The following PXDN variants were observed in gnomAD, a reference collection of about 807,000 sequenced individuals.
The protein encoded by PXDN is peroxidasin, also known as peroxidasin homolog.
In PXDN, 77 loss-of-function variants were observed where a neutral mutation model predicts 140.3. The ratio of observed to expected loss-of-function variants is 0.55; its 90% confidence interval spans 0.46 to 0.66. The LOEUF (loss-of-function observed/expected upper bound fraction) is 0.66, where lower values mean the gene tolerates loss of function less well. Ranked by LOEUF, PXDN falls within the 30% of genes least tolerant of loss-of-function variation. The pLI is 0.00. For missense variants in PXDN, 1,838 were observed against 2,039.5 expected (o/e 0.90, Z 1.90); for synonymous variants, 911 against 857.4 (o/e 1.06, Z -1.09).
chr2:1,637,681 G>A (rs796219343), intron 21 of PXDN, among the ~76,000 whole-genome samples: 11 of 68,846 alleles, frequency 1.6e-4, no homozygotes, highest in Non-Finnish European at 2.3e-4. Context: ...GGAGGCAGGA[G>A]GACCTGCCAC....
At chr2:1,708,569 C>T (rs1355554234) in intron 1 of PXDN, among the ~76,000 whole-genome samples, 4 of 152,168 alleles carry the variant, frequency 2.6e-5, no homozygotes, top group Admixed American at 2.6e-4. Context: ...CCCTGACCCA[C>T]GATGGCAGAG....
chr2:1,665,134 G>T, intron 10 of PXDN, 60 bp from the exon 11 acceptor site: 2 of 1,290,868 alleles, frequency 1.5e-6, no homozygotes, highest in South Asian at 1.3e-5. Flanking sequence ...GTAAAAACGC[G>T]ACCAAGAAAA....
intron 1 of PXDN, among the ~76,000 whole-genome samples, chr2:1,734,398 G>GGCTGCTGACGGA (rs1685383882): frequency 6.6e-6 from 1 of 152,144 alleles, no homozygotes; most frequent in South Asian, 2.1e-4. Context: ...TTATGTTGCT[G>GGCTGCTGACGGA]GCTGCTGACG....
chr2:1,659,207 G>A (rs941237612), intron 14 of PXDN, among the ~76,000 whole-genome samples: 3 of 152,186 alleles, frequency 2.0e-5, no homozygotes, highest in African/African-American at 2.4e-5. Flanking sequence ...TTATTTCACC[G>A]CTAACAGACA....
At chr2:1,634,872 T>C (rs1343213915) in intron 22 of PXDN, among the ~76,000 whole-genome samples, 1 of 152,180 alleles carries the variant, frequency 6.6e-6, no homozygotes, top group Non-Finnish European at 1.5e-5. Context: ...TGCCCCAAGC[T>C]TTCCACGGAG....
chr2:1,637,765 A>G (rs1434533602), intron 21 of PXDN, among the ~76,000 whole-genome samples: 12 of 144,888 alleles, frequency 8.3e-5, no homozygotes, highest in East Asian at 6.2e-4. Context: ...AGGACCTGCC[A>G]CACGCTGTCC....
Position 1,639,913 on chromosome 2 carries a change from C to T in PXDN, c.3953-491G>A, listed in dbSNP as rs1682675418. On this transcript the variant is annotated intron_variant, in intron 19 of 22. Transcript: ENST00000252804. This position sits in a 1 kb window ranked among gnomAD's most constrained non-coding sequence, Gnocchi z 5.0. Reference sequence around the variant, plus strand: ...CTGACCCTGCTTCTCCTGAATGTAGCCCAAACACCTCCCTGCCTAGGAGTG... The same window carrying T: ...CTGACCCTGCTTCTCCTGAATGTAGTCCAAACACCTCCCTGCCTAGGAGTG... Among the ~76,000 whole-genome samples, 1 of 152,242 alleles carries T rather than the reference C, an allele frequency of 6.6e-6. No homozygotes were observed. Among genetic ancestry groups the T allele is most frequent in the African/African-American group, 2.4e-5 (1 of 41,472 alleles).
At chr2:1,743,081 C>T (rs1038335424) in intron 1 of PXDN, among the ~76,000 whole-genome samples, 108 of 152,328 alleles carry the variant, frequency 7.1e-4, no homozygotes, top group African/African-American at 2.5e-3. Flanking sequence ...AAACGCAGCC[C>T]GCGTTCACAG....
intron 1 of PXDN, among the ~76,000 whole-genome samples, chr2:1,720,839 C>T (rs950252547): frequency 2.0e-5 from 3 of 152,166 alleles, no homozygotes; most frequent in East Asian, 1.9e-4. Flanking sequence ...CTGGTCCTCC[C>T]GGACCGCAGC....
chr2:1,677,801 C>T (rs1483780506), intron 7 of PXDN, among the ~76,000 whole-genome samples: 1 of 152,260 alleles, frequency 6.6e-6, no homozygotes, highest in Admixed American at 6.5e-5. Flanking sequence ...TCTGCCTCGT[C>T]ACCTCAGTGT....
intron 1 of PXDN, among the ~76,000 whole-genome samples, chr2:1,693,899 C>A (rs944328924): frequency 6.6e-6 from 1 of 152,198 alleles, no homozygotes; most frequent in African/African-American, 2.4e-5. Flanking sequence ...GCCCCAACCA[C>A]GGAGGCCACG....
chr2:1,729,475 G>A (rs1246390550), intron 1 of PXDN, among the ~76,000 whole-genome samples: 1 of 151,684 alleles, frequency 6.6e-6, no homozygotes, highest in African/African-American at 2.4e-5. Context: ...ACAGGGGCCA[G>A]GAAGAAAACA....
intron 16 of PXDN, chr2:1,653,342 A>G: frequency 2.3e-6 from 1 of 432,820 alleles, no homozygotes; most frequent in South Asian, 2.0e-5. Flanking sequence ...TGCATAACCC[A>G]CCCTGGCCAG....
In PXDN at chr2:1,744,314, G is replaced by A. The variant is rs1181990614; in HGVS notation, c.142C>T (p.Arg48Cys). 1 of 1,528,378 alleles carries A rather than the reference G, an allele frequency of 6.5e-7. No individual in the cohort carries two copies. Among genetic ancestry groups the A allele is most frequent in the East Asian group, 2.5e-5 (1 of 40,164 alleles). 94.7% of individuals were successfully genotyped at this position (1,528,378 alleles called of 1,614,324 possible). ...SRCLCFRTTV[R>C]CMHLLLEAVP... is the part of the protein sequence containing the mutation. ...GCCTCCAGCAGCAGATGCATGCAGC[G>A]CACGGTGGTGCGGAAGCACAGGCAG... The change falls in exon 1 of 23, where the codon CGC becomes TGC. Residue 48 changes from arginine (R) to cysteine (C), a missense_variant. Around this residue, in one of 5 missense-constraint regions of PXDN, gnomAD observed 231 missense variants for 201.5 expected, o/e 1.15. Coordinates refer to ENST00000252804, the MANE Select transcript of PXDN (RefSeq NM_012293.3).
chr2:1,634,429 C>A, intron 22 of PXDN, 106 bp from the exon 23 acceptor site: 1 of 1,409,576 alleles, frequency 7.1e-7, no homozygotes, highest in South Asian at 1.5e-5. Flanking sequence ...TGAGTCAGGC[C>A]TTGCCCTGAG....
chr2:1,669,628 T>G (rs552894601), intron 9 of PXDN: 2 of 152,246 alleles, frequency 1.3e-5, no homozygotes, highest in South Asian at 4.1e-4. Flanking sequence ...TCGCCTGATG[T>G]CAGGAATTCG....
rs954567173 is a variant in PXDN at position 1,714,649 on chromosome 2, C to T, written c.201-21515G>A. Among the ~76,000 whole-genome samples, 4 of 152,160 alleles carry T rather than the reference C, an allele frequency of 2.6e-5. No individual in the cohort carries two copies. Among genetic ancestry groups the T allele is most frequent in the Non-Finnish European group, 5.9e-5 (4 of 68,044 alleles). ...AGCAGGAATGCGGCCACAGAAGAGG[C>T]GACCCGGTGGCTGTGGCCAAGCTCC... On this transcript the variant is annotated intron_variant, in intron 1 of 22. Coordinates refer to ENST00000252804, the MANE Select transcript of PXDN (RefSeq NM_012293.3). This position sits in a 1 kb window ranked among gnomAD's most constrained non-coding sequence, Gnocchi z 4.3.
In PXDN at chr2:1,649,146, G is replaced by A. The variant is rs750398617; in HGVS notation, c.2634C>T (p.Phe878=). The change falls in exon 17 of 23, where the codon TTC becomes TTT. Residue 878 remains phenylalanine, a synonymous_variant. Coordinates refer to ENST00000252804, the MANE Select transcript of PXDN (RefSeq NM_012293.3). The surrounding 1 kb of genome is among the most constrained non-coding windows in gnomAD (Gnocchi z 7.1). ...TGCCGCACACAGGGCTGGAGCGCAC[G>A]AAGAACATGCAGCGGGCCCCGCTCC... ...RARSGARCMF[F]VRSSPVCGSG... The A allele has an allele frequency of 4.3e-6, 7 of 1,612,162 alleles. No individual in the cohort carries two copies. Among genetic ancestry groups the A allele is most frequent in the South Asian group, 2.2e-5 (2 of 91,032 alleles).
chr2:1,699,194 G>A (rs1014826430), intron 1 of PXDN, among the ~76,000 whole-genome samples: 4 of 152,140 alleles, frequency 2.6e-5, no homozygotes, highest in Admixed American at 6.5e-5. Flanking sequence ...AGGGACTTTT[G>A]CCATTAGATT....
Sources: allele counts gnomAD v4.1 joint callset (sites outside exome capture counted in the v4.1 genomes callset), GRCh38; gene constraint gnomAD v4.1.1; regional missense constraint gnomAD v4.1.1; non-coding constraint Gnocchi (gnomAD v3.1); transcripts MANE v1.5; gene names NCBI Gene and HGNC (gene_info 2026-07-23, HGNC 2026-07-21).